Variants in FBXO7 observed in about 807,000 individuals in gnomAD.
The protein encoded by FBXO7 is F-box only protein 7.
A neutral mutation model predicts 50.2 loss-of-function variants in FBXO7; 31 were observed. That is an observed-to-expected ratio of 0.62 (90% CI 0.46 to 0.83). The LOEUF is 0.83. FBXO7 is among the 40% of genes least tolerant of loss of function. FBXO7 has a pLI of 0.00. For synonymous variants in FBXO7, 256 were observed against 253.1 expected, an observed-to-expected ratio of 1.01 and a Z score of -0.11; for missense variants, 667 against 646.6, an observed-to-expected ratio of 1.03 and a Z score of -0.34.
At position 32,498,211 on chromosome 22, in the gene FBXO7, C is replaced by T. The variant is rs147055627; in HGVS notation, c.1250C>T (p.Ser417Leu). 18 of 1,614,064 alleles carry T rather than the reference C, an allele frequency of 1.1e-5. No individual in the cohort carries two copies. Among genetic ancestry groups the T allele is most frequent in the African/African-American group, 2.7e-5 (2 of 74,936 alleles). Residue 417 changes from serine (S) to leucine (L), a missense_variant, in exon 9 of 9, where the codon TCG becomes TTG. By Grantham distance (145) the Ser-to-Leu change is moderately radical. Coordinates refer to ENST00000266087, the MANE Select transcript of FBXO7 (RefSeq NM_012179.4). ...GGGCGGTTTGTGATGCTCCTGCCATCGTCAACTCACACCATTCCATTCTAT... is the reference window on the plus strand; with the variant it reads ...GGGCGGTTTGTGATGCTCCTGCCATTGTCAACTCACACCATTCCATTCTAT... Reference protein sequence around the residue: ...PKGRFVMLLPSSTHTIPFYPN... With the variant: ...PKGRFVMLLPLSTHTIPFYPN...
intron 1 of FBXO7, among the ~76,000 whole-genome samples, chr22:32,478,701 C>T (rs1179539332): frequency 6.6e-6 from 1 of 152,068 alleles, no homozygotes; most frequent in Non-Finnish European, 1.5e-5. Flanking sequence ...GCCTGGGCAA[C>T]AGAGTGAGAC....
At chr22:32,496,497 AAAC>A (rs2057575948) in intron 8 of FBXO7, among the ~76,000 whole-genome samples, 1 of 152,076 alleles carries the variant, frequency 6.6e-6, no homozygotes. Context: ...ACAAACAAAA[AAAC>A]AACAAAAAAA....
In FBXO7 at chr22:32,498,233, C is replaced by T. The variant is rs577160947; in HGVS notation, c.1272C>T (p.Phe424=). The T allele has an allele frequency of 2.1e-4, 343 of 1,614,236 alleles. 2 individuals are homozygous for T. In the Admixed American group the frequency reaches 4.3e-3, roughly 20 times the overall value. ...LLPSSTHTIP[F]YPNPLHPRPF... ...CATCGTCAACTCACACCATTCCATTCTATCCCAACCCCTTGCACCCTAGGC... is the reference window on the plus strand; with the variant it reads ...CATCGTCAACTCACACCATTCCATTTTATCCCAACCCCTTGCACCCTAGGC... Residue 424 remains phenylalanine, a synonymous_variant, in exon 9 of 9, where the codon TTC becomes TTT. Coordinates refer to ENST00000266087, the MANE Select transcript of FBXO7 (RefSeq NM_012179.4).
intron 8 of FBXO7, among the ~76,000 whole-genome samples, chr22:32,496,312 C>T (rs2057574172): frequency 6.6e-6 from 1 of 152,130 alleles, no homozygotes; most frequent in African/African-American, 2.4e-5. Context: ...GAAACCCTGT[C>T]TCTACTAAAA....
Position 32,498,723 on chromosome 22 carries a change from T to C in FBXO7, c.*193T>C. The stretch of plus-strand genomic sequence containing the variant: ...CCCAAAGGTTCCTCTGTGACAAGGT[T>C]GGCCTTGGGAATAGTTGGCTGCCAA... On this transcript the variant is annotated 3_prime_UTR_variant, in exon 9 of 9. Coordinates refer to ENST00000266087, the MANE Select transcript of FBXO7 (RefSeq NM_012179.4). The C allele has an allele frequency of 1.5e-6, 1 of 659,912 alleles. No individual in the cohort carries two copies. The highest frequency in any genetic ancestry group is 2.6e-6 in the Non-Finnish European group (1 of 389,414). The allele number at this position is 659,912 out of a possible 1,614,324, so 40.9% of individuals were successfully genotyped here.
At chr22:32,475,534 C>A in intron 1 of FBXO7, 2 of 1,068,720 alleles carry the variant, frequency 1.9e-6, no homozygotes, top group Non-Finnish European at 2.6e-6. Flanking sequence ...TGTGAGGGGT[C>A]CGAGTTAATT....
At chr22:32,475,972 C>G (rs1410378857) in intron 1 of FBXO7, 1 of 152,124 alleles carries the variant, frequency 6.6e-6, no homozygotes, top group African/African-American at 2.4e-5. Flanking sequence ...GAGTGGTCCT[C>G]TTCAAATACT....
intron 1 of FBXO7, chr22:32,475,519 T>C: frequency 7.9e-7 from 1 of 1,272,296 alleles, no homozygotes; most frequent in South Asian, 1.4e-5. Flanking sequence ...TAAACCTTTC[T>C]GGACTGTGAG....
At chr22:32,475,284 C>T (rs1310927225) in intron 1 of FBXO7, 160 bp downstream of exon 1, 1 of 1,593,400 alleles carries the variant, frequency 6.3e-7, no homozygotes, top group South Asian at 1.1e-5. Flanking sequence ...GGCCCGGGCT[C>T]TTCCGGGCGT....
intron 4 of FBXO7, among the ~76,000 whole-genome samples, chr22:32,485,598 G>C (rs976777470): frequency 6.6e-6 from 1 of 151,946 alleles, no homozygotes; most frequent in Non-Finnish European, 1.5e-5. Flanking sequence ...TTTTAACGAA[G>C]GTCTTGAACT....
rs770629287 is a variant in FBXO7, at chr22:32,493,171, G to A, written c.1034G>A (p.Arg345Gln). 6.2e-6 allele frequency: 10 copies of A among 1,614,016 alleles called. No individual in the cohort carries two copies. The South Asian group carries it at 1.1e-4, about 18-fold the overall frequency. The change falls in exon 7 of 9, where the codon CGA (arginine) becomes CAA (glutamine). Residue 345 changes from arginine to glutamine, a missense_variant. By Grantham distance (43) the Arg-to-Gln change is conservative. Transcript: ENST00000266087. ...TTGGAACTGAAACTACGGATCTTCCGACTTCTGGATGTTCGTTCCGTCTTG... is the reference window on the plus strand; with the variant it reads ...TTGGAACTGAAACTACGGATCTTCCAACTTCTGGATGTTCGTTCCGTCTTG... ...LPLELKLRIFRLLDVRSVLSL... is the reference protein window; with the variant it reads ...LPLELKLRIFQLLDVRSVLSL...
chr22:32,479,741 C>T (rs540617365), intron 2 of FBXO7, among the ~76,000 whole-genome samples: 2 of 152,238 alleles, frequency 1.3e-5, no homozygotes, highest in East Asian at 3.9e-4. Flanking sequence ...TGCCAAATGC[C>T]TGTACCAATA....
At chr22:32,491,927 G>C (rs1568978227) in intron 6 of FBXO7, 1 of 152,066 alleles carries the variant, frequency 6.6e-6, no homozygotes, top group East Asian at 1.9e-4. Flanking sequence ...GGTTTGCTTT[G>C]GCTGAAGGAG....
At chr22:32,475,436 A>G (rs373624169) in intron 1 of FBXO7, 2 of 1,606,830 alleles carry the variant, frequency 1.2e-6, no homozygotes, top group South Asian at 1.1e-5. Context: ...AAACGGAACC[A>G]GGGAGAGGAG....
intron 6 of FBXO7, chr22:32,492,793 G>A (rs952781281): frequency 1.7e-5 from 6 of 351,870 alleles, no homozygotes; most frequent in Admixed American, 9.0e-5. Flanking sequence ...ATTGAATAAT[G>A]TTTGAGACAG....
chr22:32,485,213 A>G lies in FBXO7; in HGVS notation c.787+4A>G. The G allele has an allele frequency of 6.2e-7, 1 of 1,614,098 alleles. No individual in the cohort carries two copies. Among genetic ancestry groups the G allele is most frequent in the African/African-American group, 1.3e-5 (1 of 75,042 alleles). ...GGAAACCTGATTGTTGTAAATGGTA[A>G]TTGGATAGCATAGTCATGGTTGCTG... On this transcript the variant is annotated splice_donor_region_variant and intron_variant, in intron 4 of 8. Transcript: ENST00000266087.
At position 32,475,142 on chromosome 22, in the gene FBXO7, C is replaced by A; in HGVS notation, c.122+18C>A. ...GGGTACAGGTACGCTGGGGCCGGGG[C>A]TGGGCGGCCCGCGGGGAGTGGGGAG... On this transcript the variant is annotated intron_variant, in intron 1 of 8. Transcript: ENST00000266087. 1 of 1,477,106 alleles carries A rather than the reference C, an allele frequency of 6.8e-7. No homozygotes were observed. Among genetic ancestry groups the A allele is most frequent in the African/African-American group, 1.4e-5 (1 of 69,830 alleles). 91.5% of individuals were successfully genotyped at this position (1,477,106 alleles called of 1,614,324 possible).
In FBXO7 at chr22:32,491,126, C is replaced by T. The variant is rs377240853; in HGVS notation, c.912C>T (p.Leu304=). 25 of 1,613,394 alleles carry T rather than the reference C, an allele frequency of 1.5e-5. No homozygotes were observed. In the African/African-American group the frequency reaches 2.9e-4, roughly 19 times the overall value. Residue 304 remains leucine, a synonymous_variant, in exon 6 of 9, where the codon CTC becomes CTT. Coordinates refer to ENST00000266087, the MANE Select transcript of FBXO7 (RefSeq NM_012179.4). ...VANIYKDLQK[L]SRLFKDQLVY... is the part of the protein sequence containing the mutation. ...ACATATACAAAGATCTTCAGAAACT[C>T]TCTCGCCTCTTTAAAGACCAGCTGG...
intron 1 of FBXO7, chr22:32,475,657 A>C: frequency 2.0e-6 from 1 of 496,624 alleles, no homozygotes; most frequent in South Asian, 3.0e-5. Flanking sequence ...AAGCGGCAAC[A>C]ATTTTAGATT....
Sources: gnomAD v4.1 joint callset for allele counts (sites outside exome capture counted in the v4.1 genomes callset) on GRCh38, gnomAD v4.1.1 for gene constraint, MANE v1.5 for transcripts, NCBI Gene and HGNC (gene_info 2026-07-23, HGNC 2026-07-21) for gene names.